NWD2: variants seen among roughly 807,000 people sequenced by gnomAD.
NWD2 encodes the protein NACHT and WD repeat domain containing 2, also known as NACHT and WD repeat domain-containing protein 2.
A neutral mutation model predicts 132.7 loss-of-function variants in NWD2; 37 were observed. The observed-to-expected ratio is 0.28, with a 90% CI of 0.21 to 0.37. The LOEUF is 0.37. Ranked by LOEUF, NWD2 falls within the 10% of genes least tolerant of loss-of-function variation. The pLI is 1.00. For missense variants in NWD2, 1,592 were observed against 2,122.4 expected (o/e 0.75, Z 4.91); for synonymous variants, 705 against 803.0 (o/e 0.88, Z 2.06).
At chr4:37,414,320 T>C (rs990748414) in intron 3 of NWD2, among the ~76,000 whole-genome samples, 1 of 152,094 alleles carries the variant, frequency 6.6e-6, no homozygotes, top group Non-Finnish European at 1.5e-5. Context: ...TATGCTATTA[T>C]CTGTACTTTT....
intron 3 of NWD2, among the ~76,000 whole-genome samples, chr4:37,397,153 G>A (rs538743247): frequency 2.6e-5 from 4 of 152,118 alleles, no homozygotes; most frequent in Admixed American, 6.5e-5. Flanking sequence ...GAATAGGGTG[G>A]CCACTTTTTA....
intron 5 of NWD2, among the ~76,000 whole-genome samples, chr4:37,435,750 T>C (rs1008695152): frequency 6.6e-6 from 1 of 152,176 alleles, no homozygotes; most frequent in Non-Finnish European, 1.5e-5. Flanking sequence ...TAGATAGCCA[T>C]GTGAAGATGA....
At chr4:37,438,271 A>G (rs1712378113) in intron 5 of NWD2, among the ~76,000 whole-genome samples, 1 of 152,086 alleles carries the variant, frequency 6.6e-6, no homozygotes, top group African/African-American at 2.4e-5. Flanking sequence ...AACAAAAAAA[A>G]AAAAAGAAAA....
intron 5 of NWD2, among the ~76,000 whole-genome samples, chr4:37,436,475 C>A (rs1712325271): frequency 6.6e-6 from 1 of 152,130 alleles, no homozygotes; most frequent in African/African-American, 2.4e-5. Flanking sequence ...CTGAGCCAAG[C>A]TTAGATGGGC....
intron 3 of NWD2, among the ~76,000 whole-genome samples, chr4:37,365,257 A>G (rs1331314876): frequency 6.6e-6 from 1 of 152,218 alleles, no homozygotes; most frequent in African/African-American, 2.4e-5. Flanking sequence ...TTGCTTTATC[A>G]TTTTAGGTAT....
chr4:37,296,173 G>T (rs934825722), intron 1 of NWD2, among the ~76,000 whole-genome samples: 9 of 152,048 alleles, frequency 5.9e-5, no homozygotes, highest in African/African-American at 2.2e-4. Context: ...ATTTCACGTG[G>T]CCCCCAAGCT....
chr4:37,246,717 T>C (rs1463994651), intron 1 of NWD2, among the ~76,000 whole-genome samples: 2 of 152,234 alleles, frequency 1.3e-5, no homozygotes, highest in Non-Finnish European at 2.9e-5. Flanking sequence ...GTTTAAATGT[T>C]AGACATTTTT....
Position 37,357,689 on chromosome 4 carries a change from G to A in NWD2, c.357+1207G>A, listed in dbSNP as rs563742972. Among the ~76,000 whole-genome samples the A allele has an allele frequency of 3.9e-5, 6 of 152,252 alleles. No homozygotes were observed. In the East Asian group the frequency reaches 1.2e-3, roughly 29 times the overall value. On this transcript the variant is annotated intron_variant, in intron 3 of 6. Transcript: ENST00000309447. ...CCGGAGCTTACATTCTAATGTGGGT[G>A]GAAGGGGGAGAGGGCAGGCAAAACC...
intron 3 of NWD2, among the ~76,000 whole-genome samples, chr4:37,415,306 T>C (rs958519683): frequency 5.3e-5 from 8 of 152,180 alleles, no homozygotes; most frequent in Admixed American, 3.9e-4. Context: ...TGCATCACAA[T>C]GTGGTTCTAA....
At chr4:37,342,679 A>T (rs914557295) in intron 2 of NWD2, among the ~76,000 whole-genome samples, 3 of 152,148 alleles carry the variant, frequency 2.0e-5, no homozygotes, top group Non-Finnish European at 4.4e-5. Flanking sequence ...GCCTTCATAG[A>T]TAGAGGTCCT....
At chr4:37,392,824 C>T (rs1720705419) in intron 3 of NWD2, among the ~76,000 whole-genome samples, 1 of 152,166 alleles carries the variant, frequency 6.6e-6, no homozygotes, top group South Asian at 2.1e-4. Context: ...TTAACGTTGT[C>T]TCCACCAGTC....
At chr4:37,306,875 T>C (rs1718718964) in intron 1 of NWD2, among the ~76,000 whole-genome samples, 1 of 151,992 alleles carries the variant, frequency 6.6e-6, no homozygotes, top group Admixed American at 6.6e-5. Flanking sequence ...ATACAAAAAA[T>C]TAGCCAGGCG....
At chr4:37,434,312 C>T (rs757211872) in intron 5 of NWD2, among the ~76,000 whole-genome samples, 3 of 152,188 alleles carry the variant, frequency 2.0e-5, no homozygotes, top group Non-Finnish European at 2.9e-5. Context: ...GTTCATTCAT[C>T]ACTTACCCGC....
intron 1 of NWD2, among the ~76,000 whole-genome samples, chr4:37,265,003 G>C (rs777633623): frequency 5.3e-5 from 8 of 152,058 alleles, no homozygotes; most frequent in Admixed American, 2.0e-4. Flanking sequence ...GCCATGTAGT[G>C]TGTAAATTGA....
Position 37,447,071 on chromosome 4 carries a change from G to A in NWD2, c.5083G>A (p.Glu1695Lys). The A allele has an allele frequency of 1.3e-6, 2 of 1,551,664 alleles. No individual in the cohort carries two copies. The highest frequency in any genetic ancestry group is 1.7e-6 in the Non-Finnish European group (2 of 1,147,006). ...GGATTGCTTATGGAGAGAGTCCACT[G>A]AGGTCTTTGCAAGAGACAGCCCCAT... ...SVDCLWREST[E>K]VFARDSPITV... Residue 1695 changes from glutamate (E) to lysine (K), a missense_variant, in exon 7 of 7, where the codon GAG becomes AAG. By Grantham distance (56) the Glu-to-Lys change is moderately conservative. Transcript: ENST00000309447.
chr4:37,273,241 T>G (rs1178720066), intron 1 of NWD2, among the ~76,000 whole-genome samples: 2 of 151,802 alleles, frequency 1.3e-5, no homozygotes, highest in Admixed American at 6.6e-5. Flanking sequence ...CTAGCCCTCA[T>G]TGCTTCTGAT....
At position 37,311,638 on chromosome 4, in the gene NWD2, A is replaced by G. The variant is rs200598234; in HGVS notation, c.152-14298A>G. Among the ~76,000 whole-genome samples the G allele has an allele frequency of 3.4e-3, 473 of 140,634 alleles. 5 individuals carry two copies. Among genetic ancestry groups the G allele is most frequent in the African/African-American group, 0.013 (414 of 31,210 alleles). The allele number at this position is 140,634 out of a possible 152,430, so 92.3% of individuals were successfully genotyped here. ...TGCTGTGCAGAAGCTCTTTAGTTTA[A>G]TTAGATCCCATTTGTCAATTTTGGC... On this transcript the variant is annotated intron_variant, in intron 1 of 6. Transcript: ENST00000309447.
At chr4:37,390,394 T>A (rs1720659723) in intron 3 of NWD2, among the ~76,000 whole-genome samples, 1 of 144,426 alleles carries the variant, frequency 6.9e-6, no homozygotes, top group African/African-American at 2.5e-5. Context: ...CGTGTGTGCT[T>A]GGGCATAATC....
intron 1 of NWD2, among the ~76,000 whole-genome samples, chr4:37,302,746 C>T (rs989053701): frequency 6.6e-6 from 1 of 151,930 alleles, no homozygotes; most frequent in Non-Finnish European, 1.5e-5. Flanking sequence ...TACCTGTTGA[C>T]CATTTATATA....
Sources: allele counts gnomAD v4.1 joint callset (sites outside exome capture counted in the v4.1 genomes callset), GRCh38; gene constraint gnomAD v4.1.1; transcripts MANE v1.5; gene names NCBI Gene and HGNC (gene_info 2026-07-23, HGNC 2026-07-21).